The following KCNA2 variants were observed in gnomAD, a reference collection of about 807,000 sequenced individuals.
The protein encoded by KCNA2 is potassium voltage-gated channel subfamily A member 2, also known as potassium channel, voltage gated shaker related subfamily A, member 2.
Under a neutral mutation model 33.4 loss-of-function variants are expected in KCNA2, and 11 were observed. The observed-to-expected ratio is 0.33, with a 90% CI of 0.21 to 0.55. The LOEUF is 0.55. Among genes scored for constraint, KCNA2 ranks in the 20% least tolerant of loss-of-function variants. The pLI, the probability that KCNA2 is intolerant of heterozygous loss-of-function variation, is 0.93. For synonymous variants in KCNA2, 222 were observed against 231.3 expected (o/e 0.96, Z 0.37); for missense variants, 291 against 621.6 (o/e 0.47, Z 5.66).
At chr1:110,627,863 A>T (rs1011098496) in intron 1 of KCNA2, among the ~76,000 whole-genome samples, 6 of 152,110 alleles carry the variant, frequency 3.9e-5, no homozygotes, top group Admixed American at 3.3e-4. Flanking sequence ...GCCAGGCTTG[A>T]TGGGGACAAA....
intron 1 of KCNA2, among the ~76,000 whole-genome samples, chr1:110,619,745 C>A (rs1440833452): frequency 6.6e-6 from 1 of 152,186 alleles, no homozygotes. Context: ...TTTTTCGCCA[C>A]CTATTTGTTA....
At chr1:110,626,721 G>A (rs983386554) in intron 1 of KCNA2, among the ~76,000 whole-genome samples, 18 of 152,138 alleles carry the variant, frequency 1.2e-4, no homozygotes, top group African/African-American at 4.3e-4. Flanking sequence ...CTGTCCTCAA[G>A]AGTCTTAATT....
chr1:110,593,815 C>G lies in KCNA2; in HGVS notation c.*9468G>C. The G allele has an allele frequency of 1.3e-6, 2 of 1,536,088 alleles. No individual in the cohort carries two copies. The highest frequency in any genetic ancestry group is 2.5e-5 in the East Asian group (1 of 40,624). On this transcript the variant is annotated 3_prime_UTR_variant, in exon 3 of 3. Transcript: ENST00000316361. ...ATCAGACCCTACTGACACAGGAACT[C>G]TCAGCTGCAGAAGTCCTGGGTGGGG... is the stretch of plus-strand genomic sequence containing the variant.
In KCNA2 at chr1:110,604,808, C is replaced by T. The variant is rs773487611; in HGVS notation, c.-26G>A. On this transcript the variant is annotated 5_prime_UTR_variant, in exon 3 of 3. In the 5' UTR this introduces an upstream ATG that the reference lacks. Transcript: ENST00000316361. This position sits in a 1 kb window ranked among gnomAD's most constrained non-coding sequence, Gnocchi z 7.6. The stretch of plus-strand genomic sequence containing the variant: ...AATTGGGACTGAGAGAAGCACCTCA[C>T]GCTATGCCTTTCAGCTGCCTGGTGG... 6.9e-6 allele frequency: 11 copies of T among 1,583,402 alleles called. No individual in the cohort carries two copies. Among genetic ancestry groups the T allele is most frequent in the Middle Eastern group, 1.8e-4 (1 of 5,624 alleles).
upstream of KCNA2, among the ~76,000 whole-genome samples, chr1:110,609,071 C>A (rs943837765): frequency 1.3e-5 from 2 of 152,110 alleles, no homozygotes; most frequent in African/African-American, 4.8e-5. Context: ...ATTCCCACCC[C>A]TCTACCAAAT....
Position 110,598,207 on chromosome 1 carries a change from G to T in KCNA2, c.*5076C>A. ...CATGGATATTATAGCCCTCGCAGAT[G>T]AGGCGGCCATCACCCACATACAAGT... On this transcript the variant is annotated 3_prime_UTR_variant, in exon 3 of 3. Coordinates refer to ENST00000316361, the MANE Select transcript of KCNA2 (RefSeq NM_004974.4). 1.9e-6 allele frequency: 1 copy of T among 538,406 alleles called. No individual in the cohort carries two copies. Among genetic ancestry groups the T allele is most frequent in the Non-Finnish European group, 2.4e-6 (1 of 421,778 alleles). The allele number at this position is 538,406 out of a possible 1,614,324, so 33.4% of individuals were successfully genotyped here. A position where few individuals can be genotyped will look rare whatever the true frequency, so the allele number is the denominator to read the frequency against.
At chr1:110,613,025 G>A (rs1254466837) in intron 1 of KCNA2, among the ~76,000 whole-genome samples, 5 of 152,194 alleles carry the variant, frequency 3.3e-5, no homozygotes, top group Admixed American at 1.3e-4. Context: ...CTTGCTCTGA[G>A]GATTAAATGA....
chr1:110,601,983 G>A lies in KCNA2; in HGVS notation c.*1300C>T, dbSNP rs1401505035. 1 of 1,532,442 alleles carries A rather than the reference G, an allele frequency of 6.5e-7. No individual in the cohort carries two copies. The allele number at this position is 1,532,442 out of a possible 1,614,324, so 94.9% of individuals were successfully genotyped here. The stretch of plus-strand genomic sequence containing the variant: ...TCACTAGCTAGGTAGAGGAACGCGT[G>A]AAAGAGAGATACTCGATATATATTT... On this transcript the variant is annotated 3_prime_UTR_variant, in exon 3 of 3. Coordinates refer to ENST00000316361, the MANE Select transcript of KCNA2 (RefSeq NM_004974.4).
chr1:110,597,293 ATCT>A lies in KCNA2; in HGVS notation c.*5987_*5989del. 1 of 985,454 alleles carries A rather than the reference ATCT, an allele frequency of 1.0e-6. No individual in the cohort carries two copies. Among genetic ancestry groups the A allele is most frequent in the Middle Eastern group, 5.2e-4 (1 of 1,914 alleles). The allele number at this position is 985,454 out of a possible 1,614,324, so 61.0% of individuals were successfully genotyped here. Reference sequence around the variant, plus strand: ...TAATGGCTTTTAGTGCATGGAAATGATCTTCTGTAATGGCTCAGGATGCTTTAT... The same window carrying A: ...TAATGGCTTTTAGTGCATGGAAATGATCTGTAATGGCTCAGGATGCTTTAT... On this transcript the variant is annotated 3_prime_UTR_variant, in exon 3 of 3. Coordinates refer to ENST00000316361, the MANE Select transcript of KCNA2 (RefSeq NM_004974.4).
chr1:110,595,599 T>C lies in KCNA2; in HGVS notation c.*7684A>G. On this transcript the variant is annotated 3_prime_UTR_variant, in exon 3 of 3. Coordinates refer to ENST00000316361, the MANE Select transcript of KCNA2 (RefSeq NM_004974.4). The stretch of plus-strand genomic sequence containing the variant: ...GCTGAGAGAAACTGTCTTCCATGGA[T>C]CTAACACACTAGCAGGCAAGAGGGA... 2 of 985,388 alleles carry C rather than the reference T, an allele frequency of 2.0e-6. No homozygotes were observed. The highest frequency in any genetic ancestry group is 9.4e-5 in the South Asian group (2 of 21,286). 61.0% of individuals were successfully genotyped at this position (985,388 alleles called of 1,614,324 possible). A position where few individuals can be genotyped will look rare whatever the true frequency, so the allele number is the denominator to read the frequency against.
chr1:110,618,475 C>T (rs1299101020), intron 1 of KCNA2, among the ~76,000 whole-genome samples: 1 of 152,174 alleles, frequency 6.6e-6, no homozygotes, highest in African/African-American at 2.4e-5. Context: ...TCAGTTCTTT[C>T]CCTGTGGAAT....
intron 1 of KCNA2, among the ~76,000 whole-genome samples, chr1:110,621,805 G>C (rs1650266100): frequency 6.6e-6 from 1 of 151,990 alleles, no homozygotes; most frequent in Non-Finnish European, 1.5e-5. Context: ...AAATAACCCA[G>C]TACCCCATAG....
chr1:110,622,035 A>T (rs1425535750), intron 1 of KCNA2, among the ~76,000 whole-genome samples: 1 of 152,160 alleles, frequency 6.6e-6, no homozygotes, highest in African/African-American at 2.4e-5. Context: ...AAAACCAGAC[A>T]AAAACATCAC....
At position 110,616,541 on chromosome 1, in the gene KCNA2, G is replaced by T. The variant is rs118020656; in HGVS notation, c.-495-10819C>A. 8.9e-4 allele frequency among the ~76,000 whole-genome samples: 135 copies of T among 152,330 alleles called. No individual in the cohort carries two copies. In the East Asian group the frequency reaches 0.024, roughly 27 times the overall value. ...AGTTAGATCATAAATAAGCCAGCAT[G>T]GTTCCTAAGGAAAAAACAACAGAGC... On this transcript the variant is annotated intron_variant, in intron 1 of 4. Transcript: ENST00000369770.
Position 110,602,458 on chromosome 1 carries a change from G to A in KCNA2, c.*825C>T, listed in dbSNP as rs1333204888. 8.0e-7 allele frequency: 1 copy of A among 1,252,386 alleles called. No homozygotes were observed. Among genetic ancestry groups the A allele is most frequent in the Non-Finnish European group, 1.0e-6 (1 of 995,190 alleles). 77.6% of individuals were successfully genotyped at this position (1,252,386 alleles called of 1,614,324 possible). A position where few individuals can be genotyped will look rare whatever the true frequency, so the allele number is the denominator to read the frequency against. ...TTCACTGCAGTGTCAGTGTAGCTGG[G>A]CCACATCAGTGGGAAAGCAGATGTC... On this transcript the variant is annotated 3_prime_UTR_variant, in exon 3 of 3. Coordinates refer to ENST00000316361, the MANE Select transcript of KCNA2 (RefSeq NM_004974.4).
Position 110,597,836 on chromosome 1 carries a change from CTA to C in KCNA2, c.*5445_*5446del. 1.0e-6 allele frequency: 1 copy of C among 985,136 alleles called. No individual in the cohort carries two copies. Among genetic ancestry groups the C allele is most frequent in the Non-Finnish European group, 1.2e-6 (1 of 829,766 alleles). 61.0% of individuals were successfully genotyped at this position (985,136 alleles called of 1,614,324 possible). On this transcript the variant is annotated 3_prime_UTR_variant, in exon 3 of 3. Coordinates refer to ENST00000316361, the MANE Select transcript of KCNA2 (RefSeq NM_004974.4). ...CTCTTTAAAAATATTCAAACACAAACTATGAGAGATGAAGCTGAGATTTGGTG... is the reference window on the plus strand; with the variant it reads ...CTCTTTAAAAATATTCAAACACAAACTGAGAGATGAAGCTGAGATTTGGTG...
At chr1:110,630,892 G>C (rs1333262699) in intron 1 of KCNA2, among the ~76,000 whole-genome samples, 1 of 152,124 alleles carries the variant, frequency 6.6e-6, no homozygotes, top group East Asian at 1.9e-4. Flanking sequence ...CCACACCCCA[G>C]GCAGCCAGCC....
rs919698623 is a variant in KCNA2, at chr1:110,594,268, G to A, written c.*9015C>T. The A allele has an allele frequency of 1.8e-5, 18 of 996,742 alleles. No individual in the cohort carries two copies. The African/African-American group carries it at 1.9e-4, about 11-fold the overall frequency. The allele number at this position is 996,742 out of a possible 1,614,324, so 61.7% of individuals were successfully genotyped here. ...TGCTGCATGAGCCTAAGTGAGTGGC[G>A]GCCATTTCCTCTCTCTCTCTCTCTC... On this transcript the variant is annotated 3_prime_UTR_variant, in exon 3 of 3. Coordinates refer to ENST00000316361, the MANE Select transcript of KCNA2 (RefSeq NM_004974.4).
At chr1:110,617,433 C>T (rs937864587) in intron 1 of KCNA2, among the ~76,000 whole-genome samples, 1 of 152,086 alleles carries the variant, frequency 6.6e-6, no homozygotes, top group African/African-American at 2.4e-5. Context: ...TTCAGGTTGT[C>T]CTGTAGGTGA....
Sources: gnomAD v4.1 joint callset for allele counts (sites outside exome capture counted in the v4.1 genomes callset) on GRCh38, gnomAD v4.1.1 for gene constraint, Gnocchi (gnomAD v3.1) non-coding constraint, MANE v1.5 for transcripts, NCBI Gene and HGNC (gene_info 2026-07-23, HGNC 2026-07-21) for gene names.